LRMDA: variants seen among roughly 807,000 people sequenced by gnomAD.
LRMDA encodes the protein leucine rich melanocyte differentiation associated.
A neutral mutation model predicts 29.8 loss-of-function variants in LRMDA; 18 were observed. That is an observed-to-expected ratio of 0.60 (90% CI 0.42 to 0.90). LRMDA has a LOEUF of 0.90. Among genes scored for constraint, LRMDA ranks in the 40% least tolerant of loss-of-function variants. The pLI, the probability that LRMDA is intolerant of heterozygous loss-of-function variation, is 0.00. For synonymous variants in LRMDA, 125 were observed against 109.4 expected, an observed-to-expected ratio of 1.14 and a Z score of -0.89; for missense variants, 273 against 273.9, an observed-to-expected ratio of 1.00 and a Z score of 0.02.
At chr10:75,830,276 C>T (rs1280516922) in intron 2 of LRMDA, among the ~76,000 whole-genome samples, 2 of 152,186 alleles carry the variant, frequency 1.3e-5, no homozygotes, top group Non-Finnish European at 2.9e-5. Context: ...GACCCTACAT[C>T]TCCTGCTGAT....
chr10:76,039,915 A>G lies in LRMDA; in HGVS notation c.258+3781A>G, dbSNP rs529718541. Among the ~76,000 whole-genome samples, 5 of 152,346 alleles carry G rather than the reference A, an allele frequency of 3.3e-5. No homozygotes were observed. In the South Asian group the frequency reaches 1.0e-3, roughly 32 times the overall value. ...AAACTCATCTGGTTTGACTTGGGCC[A>G]CATTGTAACCAAGGCCAGAGTACAG... On this transcript the variant is annotated intron_variant, in intron 3 of 6. Coordinates refer to ENST00000611255, the MANE Select transcript of LRMDA (RefSeq NM_001305581.2).
chr10:76,485,303 T>C (rs74444371), intron 6 of LRMDA, among the ~76,000 whole-genome samples: 1 of 151,866 alleles, frequency 6.6e-6, no homozygotes, highest in Admixed American at 6.6e-5. Flanking sequence ...TATATTTCTT[T>C]AAAAATTTTT....
At chr10:76,012,874 T>C (rs1347187999) in intron 2 of LRMDA, among the ~76,000 whole-genome samples, 1 of 152,122 alleles carries the variant, frequency 6.6e-6, no homozygotes, top group African/African-American at 2.4e-5. Context: ...TAAAAACCTG[T>C]TGTCTGGCTT....
At position 75,691,028 on chromosome 10, in the gene LRMDA, C is replaced by CACAT. The variant is rs375639240; in HGVS notation, c.131+252535_131+252536insCATA. Among the ~76,000 whole-genome samples the CACAT allele has an allele frequency of 1.3e-3, 169 of 126,976 alleles. 2 individuals are homozygous for CACAT. Among genetic ancestry groups the CACAT allele is most frequent in the Middle Eastern group, 9.3e-3 (2 of 214 alleles). The allele number at this position is 126,976 out of a possible 152,430, so 83.3% of individuals were successfully genotyped here. The stretch of plus-strand genomic sequence containing the variant: ...ACACACACACACACACACACACACA[C>CACAT]ATATATATATTGCAGATGTGGCAGA... On this transcript the variant is annotated intron_variant, in intron 2 of 6. Transcript: ENST00000611255.
intron 2 of LRMDA, among the ~76,000 whole-genome samples, chr10:75,790,618 G>A (rs187005375): frequency 3.3e-5 from 5 of 152,046 alleles, no homozygotes; most frequent in East Asian, 1.9e-4. Context: ...TACCAAGCTC[G>A]GCCTTCACTT....
At chr10:75,660,593 A>C (rs112785732) in intron 2 of LRMDA, among the ~76,000 whole-genome samples, 1 of 152,226 alleles carries the variant, frequency 6.6e-6, no homozygotes, top group African/African-American at 2.4e-5. Flanking sequence ...CGAGAAACAA[A>C]GATGAGTTGC....
intron 2 of LRMDA, among the ~76,000 whole-genome samples, chr10:75,815,626 T>G (rs2132275617): frequency 6.6e-6 from 1 of 152,290 alleles, no homozygotes; most frequent in East Asian, 1.9e-4. Context: ...TTGGAGACTC[T>G]GTTAGTTTAG....
At chr10:75,566,243 CCTTCTCCT>C (rs980591212) in intron 2 of LRMDA, among the ~76,000 whole-genome samples, 8 of 152,088 alleles carry the variant, frequency 5.3e-5, no homozygotes, top group African/African-American at 1.4e-4. Context: ...ATTGCTCGTT[CCTTCTCCT>C]CTTCTCCTCT....
At chr10:76,212,000 A>G (rs7901344) in intron 5 of LRMDA, among the ~76,000 whole-genome samples, 96,483 of 152,020 alleles carry the variant, frequency 0.63, 32,050 homozygotes, top group East Asian at 0.99. Context: ...CAAGTCACCA[A>G]TGTGGGGGCA....
chr10:75,688,844 C>A (rs1321581575), intron 2 of LRMDA, among the ~76,000 whole-genome samples: 1 of 152,170 alleles, frequency 6.6e-6, no homozygotes, highest in East Asian at 1.9e-4. Flanking sequence ...GAGGCAAGAC[C>A]CTCCACCAGC....
intron 2 of LRMDA, among the ~76,000 whole-genome samples, chr10:75,886,326 A>G (rs1845388263): frequency 6.6e-6 from 1 of 152,244 alleles, no homozygotes; most frequent in Admixed American, 6.5e-5. Context: ...TGCTAAAGTC[A>G]TAAATGAATT....
intron 6 of LRMDA, among the ~76,000 whole-genome samples, chr10:76,402,071 CA>C (rs1841854954): frequency 6.6e-6 from 1 of 152,074 alleles, no homozygotes. Context: ...GAGTATGGTG[CA>C]GGAAGCATGT....
chr10:75,490,336 T>C lies in LRMDA; in HGVS notation c.131+51842T>C, dbSNP rs867890850. Among the ~76,000 whole-genome samples the C allele has an allele frequency of 4.7e-5, 7 of 148,620 alleles. No individual in the cohort carries two copies. The South Asian group carries it at 1.5e-3, about 33-fold the overall frequency. Reference sequence around the variant, plus strand: ...TATGTGCATATATGACATGTACACATACACACACACACACACACACACACA... The same window carrying C: ...TATGTGCATATATGACATGTACACACACACACACACACACACACACACACA... On this transcript the variant is annotated intron_variant, in intron 2 of 6. Coordinates refer to ENST00000611255, the MANE Select transcript of LRMDA (RefSeq NM_001305581.2).
chr10:76,192,094 G>A (rs558369449), intron 5 of LRMDA, among the ~76,000 whole-genome samples: 20 of 152,242 alleles, frequency 1.3e-4, no homozygotes, highest in African/African-American at 4.3e-4. Flanking sequence ...CATTGGATAG[G>A]GTGATATGCT....
At chr10:76,482,655 A>T (rs151067608) in intron 6 of LRMDA, among the ~76,000 whole-genome samples, 1 of 152,050 alleles carries the variant, frequency 6.6e-6, no homozygotes, top group Non-Finnish European at 1.5e-5. Context: ...GAGCATTCTC[A>T]TACCTGTCAT....
intron 5 of LRMDA, among the ~76,000 whole-genome samples, chr10:76,179,616 C>T (rs532627048): frequency 3.0e-4 from 45 of 152,282 alleles, no homozygotes; most frequent in Admixed American, 7.8e-4. Flanking sequence ...ACATTTGAAC[C>T]GTTTCCACAC....
intron 5 of LRMDA, among the ~76,000 whole-genome samples, chr10:76,135,179 G>T (rs1159527153): frequency 6.6e-6 from 1 of 152,216 alleles, no homozygotes; most frequent in East Asian, 1.9e-4. Context: ...TGGACCAGAA[G>T]AGAAGGGCAG....
At chr10:76,334,458 T>C (rs1589140992) in intron 6 of LRMDA, among the ~76,000 whole-genome samples, 1 of 152,288 alleles carries the variant, frequency 6.6e-6, no homozygotes, top group East Asian at 1.9e-4. Context: ...AAAAATGGCC[T>C]GTCGGTGAGC....
At chr10:75,661,091 A>G (rs1342922228) in intron 2 of LRMDA, among the ~76,000 whole-genome samples, 1 of 152,106 alleles carries the variant, frequency 6.6e-6, no homozygotes, top group Non-Finnish European at 1.5e-5. Flanking sequence ...CTGCTTTGCC[A>G]GCAGCCAGGC....
Sources: allele counts gnomAD v4.1 joint callset (sites outside exome capture counted in the v4.1 genomes callset), GRCh38; gene constraint gnomAD v4.1.1; transcripts MANE v1.5; gene names NCBI Gene and HGNC (gene_info 2026-07-23, HGNC 2026-07-21).